Variants in TACC2 observed in about 807,000 individuals in gnomAD.
TACC2 encodes transforming acidic coiled-coil-containing protein 2.
TACC2 carries 137 observed loss-of-function variants against 227.3 expected under a neutral mutation model. That is an observed-to-expected ratio of 0.60 (90% CI 0.52 to 0.69). TACC2 has a LOEUF of 0.69. TACC2 is among the 30% of genes least tolerant of loss of function. TACC2 has a pLI of 0.00. For missense variants in TACC2, 3,470 were observed against 3,694.4 expected (o/e 0.94, Z 1.57); for synonymous variants, 1,523 against 1,487.5 (o/e 1.02, Z -0.55).
chr10:122,114,133 G>A (rs2084188722), intron 5 of TACC2, among the ~76,000 whole-genome samples: 1 of 152,224 alleles, frequency 6.6e-6, no homozygotes, highest in South Asian at 2.1e-4. Flanking sequence ...AGGAGGGGCG[G>A]CTGGAGAGGA....
rs2078181204 is a variant in TACC2 at position 122,072,363 on chromosome 10, G to A, written c.147-10284G>A. On this transcript the variant is annotated intron_variant, in intron 3 of 22. Coordinates refer to ENST00000369005, the MANE Select transcript of TACC2 (RefSeq NM_206862.4). Reference sequence around the variant, plus strand: ...GTTTGTTTGTTTTCTATTGAAGAATGAGCACAGCGAAGATAAAACTGGGTT... The same window carrying A: ...GTTTGTTTGTTTTCTATTGAAGAATAAGCACAGCGAAGATAAAACTGGGTT... 2.6e-5 allele frequency among the ~76,000 whole-genome samples: 4 copies of A among 152,176 alleles called. No homozygotes were observed. In the South Asian group the frequency reaches 6.2e-4, roughly 24 times the overall value.
chr10:122,020,763 C>T (rs924864851), intron 1 of TACC2, among the ~76,000 whole-genome samples: 2 of 152,120 alleles, frequency 1.3e-5, no homozygotes, highest in African/African-American at 2.4e-5. Context: ...GGCTCCAGCT[C>T]TAAAAGTCTA....
Position 122,143,720 on chromosome 10 carries a change from C to T in TACC2, c.5834+14C>T. 1 of 1,611,718 alleles carries T rather than the reference C, an allele frequency of 6.2e-7. No homozygotes were observed. The highest frequency in any genetic ancestry group is 8.5e-7 in the Non-Finnish European group (1 of 1,178,312). On this transcript the variant is annotated intron_variant, in intron 7 of 22. Transcript: ENST00000369005. ...GGACCTCAGCAGGTATTGCGCAAGT[C>T]CCCCTCCACAGCACCTGCCCCCGGA... is the stretch of plus-strand genomic sequence containing the variant.
chr10:122,199,257 C>T (rs2094694708), intron 8 of TACC2, among the ~76,000 whole-genome samples: 1 of 152,256 alleles, frequency 6.6e-6, no homozygotes, highest in East Asian at 1.9e-4. Flanking sequence ...CAGATCCAAG[C>T]ACCAGTGTCC....
At chr10:122,014,668 G>C (rs988422047) in intron 1 of TACC2, among the ~76,000 whole-genome samples, 1 of 152,320 alleles carries the variant, frequency 6.6e-6, no homozygotes, top group Middle Eastern at 3.4e-3. Context: ...TCTTGCTGCT[G>C]TGTTGGTTCT....
intron 5 of TACC2, among the ~76,000 whole-genome samples, chr10:122,123,665 T>C (rs190205991): frequency 1.6e-4 from 24 of 152,306 alleles, no homozygotes; most frequent in Admixed American, 1.2e-3. Context: ...TGCTGACTTA[T>C]GACAGCCTTT....
At chr10:122,107,939 T>G (rs1311204193) in intron 5 of TACC2, among the ~76,000 whole-genome samples, 1 of 138,582 alleles carries the variant, frequency 7.2e-6, no homozygotes, top group Non-Finnish European at 1.5e-5. Context: ...TTGCCCAGAC[T>G]GGAGTGCAGT....
intron 5 of TACC2, among the ~76,000 whole-genome samples, chr10:122,098,272 G>A (rs2081708258): frequency 6.6e-6 from 1 of 152,188 alleles, no homozygotes; most frequent in African/African-American, 2.4e-5. Context: ...TTGGCCTCTG[G>A]CTAAGAGAAT....
At chr10:122,143,838 C>T (rs2091016549) in intron 7 of TACC2, 132 bp downstream of exon 7, 1 of 1,007,542 alleles carries the variant, frequency 9.9e-7, no homozygotes, top group African/African-American at 1.6e-5. Flanking sequence ...CCCGTGAGAC[C>T]ATGTCTCTGA....
At chr10:122,239,288 C>A (rs866861435) in intron 18 of TACC2, among the ~76,000 whole-genome samples, 1 of 152,346 alleles carries the variant, frequency 6.6e-6, no homozygotes, top group South Asian at 2.1e-4. Flanking sequence ...GGATTACAGG[C>A]ATGAGCCACT....
intron 10 of TACC2, 36 bp downstream of exon 10, chr10:122,215,487 C>T (rs1280950636): frequency 4.4e-6 from 7 of 1,581,968 alleles, no homozygotes; most frequent in Admixed American, 1.7e-5. Flanking sequence ...GTTTTATGCC[C>T]CCCCCGGGGG....
rs1429284573 is a variant in TACC2 at position 122,200,716 on chromosome 10, C to T, written c.5971+5540C>T. Among the ~76,000 whole-genome samples, 11 of 133,338 alleles carry T rather than the reference C, an allele frequency of 8.2e-5. No homozygotes were observed. In the East Asian group the frequency reaches 2.1e-3, roughly 26 times the overall value. 87.5% of individuals were successfully genotyped at this position (133,338 alleles called of 152,430 possible). A position where few individuals can be genotyped will look rare whatever the true frequency, so the allele number is the denominator to read the frequency against. On this transcript the variant is annotated intron_variant, in intron 8 of 22. Coordinates refer to ENST00000369005, the MANE Select transcript of TACC2 (RefSeq NM_206862.4). ...GGCCATGTTCACATGGGGAGGACGG[C>T]GACCTCACCTGCCCACAGTGGCCGT...
chr10:122,163,567 G>T (rs1015326685), intron 7 of TACC2: 1 of 995,918 alleles, frequency 1.0e-6, no homozygotes, highest in South Asian at 4.7e-5. Flanking sequence ...TGACATCATC[G>T]TGTCACACAC....
At chr10:122,142,301 G>T (rs1264138966) in intron 6 of TACC2, among the ~76,000 whole-genome samples, 1 of 152,248 alleles carries the variant, frequency 6.6e-6, no homozygotes, top group Admixed American at 6.5e-5. Flanking sequence ...CCCTCTGCCT[G>T]CTGTGGGCGG....
chr10:121,992,236 G>A (rs1187990098), intron 1 of TACC2, among the ~76,000 whole-genome samples: 1 of 152,164 alleles, frequency 6.6e-6, no homozygotes, highest in African/African-American at 2.4e-5. Context: ...GCCCAGAACA[G>A]CCCACCCTGA....
rs564241353 is a variant in TACC2, at chr10:122,107,564, G to A, written c.5573+18973G>A. Reference sequence around the variant, plus strand: ...AGATCACACTGTTGCACTCCACCCTGGGTGAGAAAATGAGAAGATTCTGTC... The same window carrying A: ...AGATCACACTGTTGCACTCCACCCTAGGTGAGAAAATGAGAAGATTCTGTC... On this transcript the variant is annotated intron_variant, in intron 5 of 22. Coordinates refer to ENST00000369005, the MANE Select transcript of TACC2 (RefSeq NM_206862.4). Among the ~76,000 whole-genome samples, 6 of 152,100 alleles carry A rather than the reference G, an allele frequency of 3.9e-5. No individual in the cohort carries two copies. The East Asian group carries it at 1.2e-3, about 29-fold the overall frequency.
intron 5 of TACC2, among the ~76,000 whole-genome samples, chr10:122,120,775 T>C (rs2085605584): frequency 6.6e-6 from 1 of 152,082 alleles, no homozygotes. Flanking sequence ...TTCTTTTTTT[T>C]TTTGAGACGG....
In TACC2 at chr10:122,084,415, G is replaced by T; in HGVS notation, c.1915G>T (p.Gly639Trp). 6.2e-7 allele frequency: 1 copy of T among 1,612,970 alleles called. No individual in the cohort carries two copies. The highest frequency in any genetic ancestry group is 8.5e-7 in the Non-Finnish European group (1 of 1,180,018). Residue 639 changes from glycine (G) to tryptophan (W), a missense_variant, in exon 4 of 23, where the codon GGG becomes TGG. Coordinates refer to ENST00000369005, the MANE Select transcript of TACC2 (RefSeq NM_206862.4). ...ACACTCAGCACAGCCACCCAGAAAG[G>T]GGGGTGCTGGGCACACGGACGGGCC... ...SSHSAQPPRK[G>W]GAGHTDGPHS...
intron 18 of TACC2, among the ~76,000 whole-genome samples, chr10:122,238,474 T>C (rs900853516): frequency 7.9e-5 from 12 of 152,192 alleles, no homozygotes; most frequent in African/African-American, 2.9e-4. Flanking sequence ...TGAAACAGAG[T>C]TTCGCTCTTG....
Sources: allele counts gnomAD v4.1 joint callset (sites outside exome capture counted in the v4.1 genomes callset), GRCh38; gene constraint gnomAD v4.1.1; transcripts MANE v1.5; gene names NCBI Gene and HGNC (gene_info 2026-07-23, HGNC 2026-07-21).